TRPC4: variants seen among roughly 807,000 people sequenced by gnomAD.
TRPC4 encodes the protein transient receptor potential cation channel subfamily C member 4.
In TRPC4, 49 loss-of-function variants were observed where a neutral mutation model predicts 99.4. The observed-to-expected ratio is 0.49, with a 90% CI of 0.39 to 0.63. The LOEUF is 0.63. TRPC4 is among the 20% of genes least tolerant of loss of function. The pLI is 0.00. For synonymous variants in TRPC4, 454 were observed against 425.9 expected, an observed-to-expected ratio of 1.07 and a Z score of -0.81; for missense variants, 898 against 1,152.9, an observed-to-expected ratio of 0.78 and a Z score of 3.20.
intron 3 of TRPC4, among the ~76,000 whole-genome samples, chr13:37,726,055 G>T (rs1054490111): frequency 6.6e-5 from 10 of 151,932 alleles, no homozygotes; most frequent in Non-Finnish European, 1.3e-4. Context: ...AATTCACCAG[G>T]CTTGGTGGTG....
intron 2 of TRPC4, among the ~76,000 whole-genome samples, chr13:37,765,344 T>C (rs1593691355): frequency 1.3e-5 from 2 of 151,576 alleles, no homozygotes; most frequent in East Asian, 3.9e-4. Flanking sequence ...ATCTGCTTAC[T>C]TTAAGCTTTA....
intron 6 of TRPC4, 74 bp downstream of exon 6, chr13:37,663,342 G>C (rs1049360460): frequency 2.3e-5 from 33 of 1,412,354 alleles, no homozygotes; most frequent in Non-Finnish European, 3.8e-6. Flanking sequence ...TTTGTCATAG[G>C]TTTTTCAAGT....
At chr13:37,802,892 G>A (rs979495051) in intron 1 of TRPC4, among the ~76,000 whole-genome samples, 8 of 151,708 alleles carry the variant, frequency 5.3e-5, no homozygotes, top group Non-Finnish European at 8.8e-5. Flanking sequence ...GTATTCTAAG[G>A]GTGATTTTCT....
chr13:37,848,601 T>C (rs974768443), intron 1 of TRPC4, among the ~76,000 whole-genome samples: 2 of 152,022 alleles, frequency 1.3e-5, no homozygotes, highest in Non-Finnish European at 2.9e-5. Context: ...GCAAAGTAGG[T>C]CTCTCCAATA....
At position 37,783,337 on chromosome 13, in the gene TRPC4, T is replaced by C. The variant is rs1417929965; in HGVS notation, c.-4A>G. The C allele has an allele frequency of 1.3e-6, 2 of 1,538,164 alleles. No homozygotes were observed. The highest frequency in any genetic ancestry group is 4.2e-5 in the Admixed American group (2 of 47,676). ...TTTTGTAATAGAACTGAGCCATGTT[T>C]CATGCCATGCTATTTCTTCGTCTCT... On this transcript the variant is annotated 5_prime_UTR_variant, in exon 2 of 11. The change abolishes the stop of an existing upstream ORF in the 5' untranslated region. Coordinates refer to ENST00000379705, the MANE Select transcript of TRPC4 (RefSeq NM_016179.4).
At chr13:37,779,811 C>G (rs1157400601) in intron 2 of TRPC4, among the ~76,000 whole-genome samples, 1 of 151,992 alleles carries the variant, frequency 6.6e-6, no homozygotes, top group Admixed American at 6.6e-5. Context: ...TAGGCTTTAT[C>G]TCAGTTAATG....
At chr13:37,733,478 G>T (rs1231700485) in intron 3 of TRPC4, among the ~76,000 whole-genome samples, 1 of 152,152 alleles carries the variant, frequency 6.6e-6, no homozygotes, top group Non-Finnish European at 1.5e-5. Flanking sequence ...GAATAACCGG[G>T]AGTGCCTCCT....
intron 3 of TRPC4, among the ~76,000 whole-genome samples, chr13:37,711,085 C>T (rs887978128): frequency 1.7e-4 from 26 of 151,926 alleles, no homozygotes; most frequent in African/African-American, 5.1e-4. Context: ...TAAAAGGTCA[C>T]GCAGAATGTG....
intron 1 of TRPC4, among the ~76,000 whole-genome samples, chr13:37,831,699 A>G (rs1339531119): frequency 1.3e-5 from 2 of 152,244 alleles, no homozygotes; most frequent in Non-Finnish European, 2.9e-5. Flanking sequence ...AATACCATTC[A>G]GCATTATAAA....
intron 5 of TRPC4, among the ~76,000 whole-genome samples, chr13:37,670,264 C>G (rs900994436): frequency 1.3e-5 from 2 of 152,190 alleles, no homozygotes; most frequent in African/African-American, 4.8e-5. Flanking sequence ...AGAAATTAAA[C>G]AAGGCTGGCC....
chr13:37,865,856 T>C (rs1959709224), intron 1 of TRPC4, among the ~76,000 whole-genome samples: 1 of 151,768 alleles, frequency 6.6e-6, no homozygotes, highest in African/African-American at 2.4e-5. Flanking sequence ...TTTCTCAGGT[T>C]GTTAAAATGT....
At chr13:37,716,897 T>A (rs918400795) in intron 3 of TRPC4, among the ~76,000 whole-genome samples, 1 of 152,172 alleles carries the variant, frequency 6.6e-6, no homozygotes, top group Non-Finnish European at 1.5e-5. Flanking sequence ...AAGTGTTTTT[T>A]TATCATGTTT....
At chr13:37,675,445 C>T (rs567209677) in intron 4 of TRPC4, among the ~76,000 whole-genome samples, 32 of 152,212 alleles carry the variant, frequency 2.1e-4, no homozygotes, top group Admixed American at 1.8e-3. Flanking sequence ...AGACTAGAAT[C>T]CCTGGGAGCC....
intron 4 of TRPC4, among the ~76,000 whole-genome samples, chr13:37,684,100 G>A (rs1290036851): frequency 6.6e-6 from 1 of 152,016 alleles, no homozygotes; most frequent in East Asian, 1.9e-4. Flanking sequence ...TTCCAGAATT[G>A]TTTCTCAGTC....
intron 8 of TRPC4, among the ~76,000 whole-genome samples, chr13:37,648,284 C>T (rs892279745): frequency 1.3e-5 from 2 of 152,078 alleles, no homozygotes; most frequent in Non-Finnish European, 2.9e-5. Flanking sequence ...TAAATTATAC[C>T]TATCATTTAT....
intron 1 of TRPC4, among the ~76,000 whole-genome samples, chr13:37,785,141 A>G (rs1956937028): frequency 6.6e-6 from 1 of 152,150 alleles, no homozygotes; most frequent in Admixed American, 6.6e-5. Flanking sequence ...TATTCCCCCA[A>G]TATCACTAAA....
In TRPC4 at chr13:37,678,662, A is replaced by T. The variant is rs141834613; in HGVS notation, c.1235-4295T>A. 5.5e-3 allele frequency among the ~76,000 whole-genome samples: 842 copies of T among 152,214 alleles called. 8 individuals are homozygous for T. The highest frequency in any genetic ancestry group is 0.019 in the African/African-American group (785 of 41,560). ...TCAGGTCCAGTTGATTTCATGGTGC[A>T]TTCACCCAAACATTTCAAGAAAAAA... On this transcript the variant is annotated intron_variant, in intron 4 of 10. Transcript: ENST00000379705.
chr13:37,649,210 G>C (rs572470564), intron 8 of TRPC4, among the ~76,000 whole-genome samples: 1 of 152,124 alleles, frequency 6.6e-6, no homozygotes, highest in South Asian at 2.1e-4. Context: ...ATCTTGTCCT[G>C]TTTACCTCAA....
intron 6 of TRPC4, 26 bp from the exon 7 acceptor site, chr13:37,655,309 A>G (rs774242213): frequency 1.5e-5 from 21 of 1,388,294 alleles, no homozygotes; most frequent in Non-Finnish European, 2.0e-5. Context: ...AATGATACTA[A>G]TAGCTATATT....
Sources: gnomAD v4.1 joint callset for allele counts (sites outside exome capture counted in the v4.1 genomes callset) on GRCh38, gnomAD v4.1.1 for gene constraint, MANE v1.5 for transcripts, NCBI Gene and HGNC (gene_info 2026-07-23, HGNC 2026-07-21) for gene names.